The following QRICH2 variants were observed in gnomAD, a reference collection of about 807,000 sequenced individuals.
The protein encoded by QRICH2 is glutamine rich 2.
In QRICH2, 119 loss-of-function variants were observed where a neutral mutation model predicts 168.3. The observed-to-expected ratio is 0.71, with a 90% CI of 0.61 to 0.82. The LOEUF (loss-of-function observed/expected upper bound fraction) is 0.82. Ranked by LOEUF, QRICH2 falls within the 40% of genes least tolerant of loss-of-function variation. The probability of loss-of-function intolerance (pLI) is 0.00; values close to 1 mark genes in which losing one functional copy is unlikely to be tolerated. For synonymous variants in QRICH2, 894 were observed against 951.2 expected, an observed-to-expected ratio of 0.94 and a Z score of 1.11; for missense variants, 2,241 against 2,491.6, an observed-to-expected ratio of 0.90 and a Z score of 2.14.
In QRICH2 at chr17:76,292,242, G is replaced by A. The variant is rs762510570; in HGVS notation, c.2485C>T (p.Arg829Cys). 25 of 1,606,618 alleles carry A rather than the reference G, an allele frequency of 1.6e-5. No homozygotes were observed. The highest frequency in any genetic ancestry group is 6.8e-5 in the Admixed American group (4 of 58,752). Residue 829 changes from arginine to cysteine, a missense_variant, in exon 4 of 19, where the codon CGT becomes TGT. By Grantham distance (180) the Arg-to-Cys change is radical (BLOSUM62 -3). Around this residue, in one of 3 missense-constraint regions of QRICH2, gnomAD observed 2,047 missense variants for 2,303.8 expected, o/e 0.89. Coordinates refer to ENST00000680821, the MANE Select transcript of QRICH2 (RefSeq NM_001388453.1). ...ACTGCACCAGGTTGAACCAAACCAC[G>A]CTGATCCACTCCAGGTTGGACCAAA... ...RGLVQPGVDQ[R>C]GLVQPGAVQR...
rs780060311 is a variant in QRICH2, at chr17:76,280,445, C to T, written c.4468G>A (p.Asp1490Asn). 2.9e-5 allele frequency: 47 copies of T among 1,613,546 alleles called. No homozygotes were observed. Among genetic ancestry groups the T allele is most frequent in the African/African-American group, 2.3e-4 (17 of 74,932 alleles). Reference protein sequence around the residue: ...HLEMEIDVKADKSALATKVSR... With the variant: ...HLEMEIDVKANKSALATKVSR... Reference sequence around the variant, plus strand: ...ACTTTGGTGGCCAGAGCACTCTTGTCGGCTTTCTGCCCAGAGACAGACAGA... The same window carrying T: ...ACTTTGGTGGCCAGAGCACTCTTGTTGGCTTTCTGCCCAGAGACAGACAGA... The change falls in exon 11 of 19, where the codon GAC becomes AAC. Residue 1490 changes from aspartate (D) to asparagine (N), a missense_variant. Around this residue, in one of 3 missense-constraint regions of QRICH2, gnomAD observed 2,047 missense variants for 2,303.8 expected, o/e 0.89. Coordinates refer to ENST00000680821, the MANE Select transcript of QRICH2 (RefSeq NM_001388453.1). The surrounding 1 kb of genome is among the most constrained non-coding windows in gnomAD (Gnocchi z 7.4).
Position 76,294,006 on chromosome 17 carries a change from T to C in QRICH2, c.721A>G (p.Met241Val), listed in dbSNP as rs749233219. ...AACCCTCCGTGCTTAGAAAATCCCA[T>C]AAGTGTTTCTGAGCCCTGGTTGGAG... ...RASQAGSETL[M>V]GFSKHGGFTS... Residue 241 changes from methionine to valine, a missense_variant, in exon 4 of 19, where the codon ATG (methionine) becomes GTG (valine). By Grantham distance (21) the Met-to-Val change is conservative. Transcript: ENST00000680821. 1.9e-6 allele frequency: 3 copies of C among 1,604,702 alleles called. No individual in the cohort carries two copies. Among genetic ancestry groups the C allele is most frequent in the Non-Finnish European group, 8.5e-7 (1 of 1,173,716 alleles).
chr17:76,284,340 A>G (rs346813), intron 7 of QRICH2, among the ~76,000 whole-genome samples: 66,436 of 141,546 alleles, frequency 0.47, 19,043 homozygotes, highest in African/African-American at 0.65. Context: ...AGGCTTAAAG[A>G]CAGACACTGT....
rs556024715 is a variant in QRICH2 at position 76,292,211 on chromosome 17, C to T, written c.2516G>A (p.Arg839His). 5.9e-5 allele frequency: 90 copies of T among 1,523,178 alleles called. No individual in the cohort carries two copies. Among genetic ancestry groups the T allele is most frequent in the Middle Eastern group, 1.7e-4 (1 of 5,772 alleles). 94.4% of individuals were successfully genotyped at this position (1,523,178 alleles called of 1,614,324 possible). A position where few individuals can be genotyped will look rare whatever the true frequency, so the allele number is the denominator to read the frequency against. ...RGLVQPGAVQ[R>H]GLVQPGAVQH... ...AACTGCACCAGGTTGGACCAAACCA[C>T]GCTGAACTGCACCAGGTTGAACCAA... Residue 839 changes from arginine to histidine, a missense_variant, in exon 4 of 19, where the codon CGT (arginine) becomes CAT (histidine). Arg to His is a conservative substitution (Grantham distance 29). Transcript: ENST00000680821.
intron 3 of QRICH2, among the ~76,000 whole-genome samples, chr17:76,298,157 C>CCA (rs1380419222): frequency 2.0e-5 from 3 of 149,602 alleles, no homozygotes; most frequent in African/African-American, 4.9e-5. Context: ...CAGGCATGAG[C>CCA]CACGCTGCCT....
rs1225001251 is a variant in QRICH2, at chr17:76,294,007, A to G, written c.720T>C (p.Leu240=). 6 of 1,603,804 alleles carry G rather than the reference A, an allele frequency of 3.7e-6. No homozygotes were observed. Among genetic ancestry groups the G allele is most frequent in the Non-Finnish European group, 4.3e-6 (5 of 1,173,088 alleles). ...ACCCTCCGTGCTTAGAAAATCCCAT[A>G]AGTGTTTCTGAGCCCTGGTTGGAGA... ...WRASQAGSET[L]MGFSKHGGFT... The change falls in exon 4 of 19, where the codon CTT becomes CTC. Residue 240 remains leucine, a synonymous_variant. Coordinates refer to ENST00000680821, the MANE Select transcript of QRICH2 (RefSeq NM_001388453.1).
intron 16 of QRICH2, 32 bp downstream of exon 16, chr17:76,277,127 GCCTC>G (rs1198508352): frequency 6.6e-7 from 1 of 1,512,802 alleles, no homozygotes; most frequent in African/African-American, 1.4e-5. Flanking sequence ...CCATGTCAGG[GCCTC>G]CCTCCCTGGT....
chr17:76,285,594 A>G (rs1229664684), intron 7 of QRICH2, among the ~76,000 whole-genome samples: 1 of 151,084 alleles, frequency 6.6e-6, no homozygotes, highest in African/African-American at 2.4e-5. Flanking sequence ...ACATGAGGCC[A>G]GGCCAGTACT....
At position 76,292,490 on chromosome 17, in the gene QRICH2, T is replaced by C. The variant is rs2071025860; in HGVS notation, c.2237A>G (p.Asp746Gly). 1.3e-6 allele frequency: 2 copies of C among 1,528,324 alleles called. No homozygotes were observed. Among genetic ancestry groups the C allele is most frequent in the African/African-American group, 3.3e-5 (2 of 61,174 alleles). 94.7% of individuals were successfully genotyped at this position (1,528,324 alleles called of 1,614,324 possible). Residue 746 changes from aspartate (D) to glycine (G), a missense_variant, in exon 4 of 19, where the codon GAT (aspartate) becomes GGT (glycine). By Grantham distance (94) the Asp-to-Gly change is moderately conservative. Coordinates refer to ENST00000680821, the MANE Select transcript of QRICH2 (RefSeq NM_001388453.1). ...AGGTGGGACCAAACCACGCTGATGA[T>C]CTGCACGAGGTTGTGCCAAACCACG... ...DQRGLAQPRADHQRGLVPPGA... is the reference protein window; with the variant it reads ...DQRGLAQPRAGHQRGLVPPGA...
intron 3 of QRICH2, among the ~76,000 whole-genome samples, chr17:76,302,493 T>C (rs2070923112): frequency 6.6e-6 from 1 of 152,202 alleles, no homozygotes; most frequent in Non-Finnish European, 1.5e-5. Flanking sequence ...CAGGTACAAT[T>C]AAGGATCTTG....
At position 76,307,476 on chromosome 17, in the gene QRICH2, T is replaced by G; in HGVS notation, c.523A>C (p.Ser175Arg). ...SIMKDAAEEL[S>R]FARVLLQRVD... Reference sequence around the variant, plus strand: ...GTGTGCGTGCTCACCCTGGCAAAGCTGAGCTCCTCGGCGGCGTCCTTCATG... The same window carrying G: ...GTGTGCGTGCTCACCCTGGCAAAGCGGAGCTCCTCGGCGGCGTCCTTCATG... The change falls in exon 1 of 19, where the codon AGC (serine) becomes CGC (arginine). Residue 175 changes from serine (S) to arginine (R), a missense_variant. Around this residue, in one of 3 missense-constraint regions of QRICH2, gnomAD observed 2,047 missense variants for 2,303.8 expected, o/e 0.89. Transcript: ENST00000680821. This position sits in a 1 kb window ranked among gnomAD's most constrained non-coding sequence, Gnocchi z 5.3. 2 of 1,613,602 alleles carry G rather than the reference T, an allele frequency of 1.2e-6. No individual in the cohort carries two copies. The highest frequency in any genetic ancestry group is 1.7e-6 in the Non-Finnish European group (2 of 1,179,668).
upstream of QRICH2, chr17:76,309,672 A>G (rs1446695954): frequency 6.8e-6 from 1 of 146,796 alleles, no homozygotes; most frequent in Non-Finnish European, 1.5e-5. Flanking sequence ...ATAATACAGC[A>G]TGACCACCAT....
chr17:76,278,998 TG>T, intron 14 of QRICH2, 42 bp downstream of exon 14: 1 of 1,525,410 alleles, frequency 6.6e-7, no homozygotes, highest in Non-Finnish European at 9.0e-7. Flanking sequence ...TCCAGAGCCC[TG>T]GCCCCGGACC....
At chr17:76,277,458 GC>G in intron 15 of QRICH2, 148 bp from the exon 16 acceptor site, 1 of 942,806 alleles carries the variant, frequency 1.1e-6, no homozygotes, top group South Asian at 1.5e-5. Context: ...CCCAGAACAG[GC>G]GGGCGGGGGT....
chr17:76,306,071 G>A (rs999819807), intron 1 of QRICH2, among the ~76,000 whole-genome samples: 4 of 149,874 alleles, frequency 2.7e-5, no homozygotes, highest in African/African-American at 4.9e-5. Context: ...TCGGGAAGCC[G>A]AGGCAGGAGA....
chr17:76,302,192 C>T (rs183121600), intron 3 of QRICH2, among the ~76,000 whole-genome samples: 17 of 152,100 alleles, frequency 1.1e-4, no homozygotes, highest in African/African-American at 3.4e-4. Flanking sequence ...GCCACCGCGC[C>T]GGCCGGCACT....
chr17:76,300,046 G>A (rs1291676469), intron 3 of QRICH2, among the ~76,000 whole-genome samples: 1 of 151,944 alleles, frequency 6.6e-6, no homozygotes, highest in Non-Finnish European at 1.5e-5. Flanking sequence ...TGGTCAGGAT[G>A]GTCTCGATCT....
At chr17:76,295,129 C>T (rs181775193) in intron 3 of QRICH2, among the ~76,000 whole-genome samples, 145 of 151,558 alleles carry the variant, frequency 9.6e-4, no homozygotes, top group Non-Finnish European at 1.6e-3. Flanking sequence ...TGTGGTGGCA[C>T]GTGCCTGTCG....
Position 76,281,086 on chromosome 17 carries a change from T to G in QRICH2, c.4264-133A>C. On this transcript the variant is annotated intron_variant, in intron 8 of 18. Transcript: ENST00000680821. This position sits in a 1 kb window ranked among gnomAD's most constrained non-coding sequence, Gnocchi z 4.4. ...GGCTGGGAGCGGTGGCTCATGCCTGTAGTCCTGGCACTTTGGGAAGCTGAG... is the reference window on the plus strand; with the variant it reads ...GGCTGGGAGCGGTGGCTCATGCCTGGAGTCCTGGCACTTTGGGAAGCTGAG... 1 of 1,243,374 alleles carries G rather than the reference T, an allele frequency of 8.0e-7. No homozygotes were observed. Among genetic ancestry groups the G allele is most frequent in the Non-Finnish European group, 1.1e-6 (1 of 913,618 alleles). The allele number at this position is 1,243,374 out of a possible 1,614,324, so 77.0% of individuals were successfully genotyped here.
Sources: gnomAD v4.1 joint callset for allele counts (sites outside exome capture counted in the v4.1 genomes callset) on GRCh38, gnomAD v4.1.1 for gene constraint, gnomAD v4.1.1 regional missense constraint, Gnocchi (gnomAD v3.1) non-coding constraint, MANE v1.5 for transcripts, NCBI Gene and HGNC (gene_info 2026-07-23, HGNC 2026-07-21) for gene names.